The following ADRA1B variants were observed in gnomAD, a reference collection of about 807,000 sequenced individuals.
The protein encoded by ADRA1B is alpha-1B adrenergic receptor.
In ADRA1B, 17 loss-of-function variants were observed where a neutral mutation model predicts 17.9. The observed-to-expected ratio is 0.95, with a 90% CI of 0.65 to 1.42. The LOEUF (loss-of-function observed/expected upper bound fraction) is 1.42. Ranked by LOEUF, ADRA1B falls within the 40% of genes most tolerant of loss-of-function variation. The probability of loss-of-function intolerance (pLI) is 0.00; values close to 1 mark genes in which losing one functional copy is unlikely to be tolerated. For synonymous variants in ADRA1B, 366 were observed against 327.6 expected (o/e 1.12, Z -1.27); for missense variants, 681 against 722.1 (o/e 0.94, Z 0.65).
intron 1 of ADRA1B, among the ~76,000 whole-genome samples, chr5:159,906,367 T>C (rs1432297059): frequency 6.6e-6 from 1 of 152,236 alleles, no homozygotes; most frequent in Non-Finnish European, 1.5e-5. Flanking sequence ...ACCCTCTATA[T>C]GAAACATTCA....
At chr5:159,969,423 G>C (rs1163416736) in intron 1 of ADRA1B, among the ~76,000 whole-genome samples, 1 of 152,208 alleles carries the variant, frequency 6.6e-6, no homozygotes, top group African/African-American at 2.4e-5. Context: ...AATCAAGAAA[G>C]TGAAATGCTA....
intron 1 of ADRA1B, among the ~76,000 whole-genome samples, chr5:159,885,975 A>G (rs1220243403): frequency 6.6e-6 from 1 of 152,210 alleles, no homozygotes; most frequent in Non-Finnish European, 1.5e-5. Flanking sequence ...TAGATGGTAG[A>G]GACTAGATTC....
At chr5:159,966,878 G>A (rs889557693) in intron 1 of ADRA1B, among the ~76,000 whole-genome samples, 11 of 152,186 alleles carry the variant, frequency 7.2e-5, no homozygotes, top group African/African-American at 2.4e-4. Context: ...TATAGAGAAG[G>A]CATTAAATAA....
chr5:159,985,970 C>T, the ADRA1B span, among the ~76,000 whole-genome samples: 1 of 152,206 alleles, frequency 6.6e-6, no homozygotes, highest in Non-Finnish European at 1.5e-5. Context: ...GCATCAGCAG[C>T]AGTGACTACT....
intron 1 of ADRA1B, among the ~76,000 whole-genome samples, chr5:159,963,443 A>G (rs75007938): frequency 6.6e-6 from 1 of 152,072 alleles, no homozygotes; most frequent in African/African-American, 2.4e-5. Context: ...CAACTTACCT[A>G]TATCAAATTT....
chr5:159,926,755 C>T (rs995393555), intron 1 of ADRA1B, among the ~76,000 whole-genome samples: 7 of 152,012 alleles, frequency 4.6e-5, no homozygotes, highest in Admixed American at 2.0e-4. Context: ...GGCGTGGTAG[C>T]GGGCACCTGT....
intron 1 of ADRA1B, among the ~76,000 whole-genome samples, chr5:159,960,621 C>T (rs1224301874): frequency 6.6e-6 from 1 of 151,606 alleles, no homozygotes; most frequent in Admixed American, 6.6e-5. Context: ...AGGAGGATCA[C>T]TTGAACCCAG....
chr5:159,905,755 G>A (rs1240008909), intron 1 of ADRA1B, among the ~76,000 whole-genome samples: 2 of 152,222 alleles, frequency 1.3e-5, no homozygotes, highest in Non-Finnish European at 2.9e-5. Context: ...CCTAGACTGA[G>A]TGGGGAGGGG....
chr5:159,907,031 T>G (rs1754169155), intron 1 of ADRA1B, among the ~76,000 whole-genome samples: 2 of 152,020 alleles, frequency 1.3e-5, no homozygotes, highest in Non-Finnish European at 1.5e-5. Context: ...CAGCCTCCAG[T>G]GAGATGATTT....
intron 1 of ADRA1B, 22 bp from the exon 2 acceptor site, chr5:159,971,857 C>CGGGGGG: frequency 1.3e-5 from 4 of 317,774 alleles, no homozygotes; most frequent in Non-Finnish European, 2.3e-5. Flanking sequence ...TCTGCCCGTG[C>CGGGGGG]CCACCCCCCT....
intron 1 of ADRA1B, among the ~76,000 whole-genome samples, chr5:159,874,211 G>A (rs1753779258): frequency 6.6e-6 from 1 of 152,132 alleles, no homozygotes; most frequent in Non-Finnish European, 1.5e-5. Flanking sequence ...CACAATAAAG[G>A]CCTGAAGCTT....
intron 1 of ADRA1B, among the ~76,000 whole-genome samples, chr5:159,893,689 C>T (rs574168679): frequency 6.6e-6 from 1 of 152,252 alleles, no homozygotes; most frequent in South Asian, 2.1e-4. Context: ...CTCTGTTATG[C>T]CAAAAGGAGC....
intron 1 of ADRA1B, among the ~76,000 whole-genome samples, chr5:159,957,163 T>C (rs1043548683): frequency 2.0e-5 from 3 of 152,154 alleles, no homozygotes; most frequent in African/African-American, 7.2e-5. Flanking sequence ...TGAGCCACTG[T>C]CCCCAGCCTT....
intron 1 of ADRA1B, among the ~76,000 whole-genome samples, chr5:159,896,498 T>A (rs962123649): frequency 6.6e-6 from 1 of 152,228 alleles, no homozygotes; most frequent in African/African-American, 2.4e-5. Context: ...GGAATTCTCA[T>A]GTTCCTTCTG....
chr5:159,923,276 G>A (rs1003774454), intron 1 of ADRA1B, among the ~76,000 whole-genome samples: 2 of 152,282 alleles, frequency 1.3e-5, no homozygotes. Context: ...CGAAGCAGAT[G>A]AAAGATACTG....
At chr5:159,969,134 G>T (rs183625112) in intron 1 of ADRA1B, among the ~76,000 whole-genome samples, 2 of 152,304 alleles carry the variant, frequency 1.3e-5, no homozygotes, top group African/African-American at 4.8e-5. Flanking sequence ...TCACAAAATA[G>T]TGCCCTCCCT....
intron 1 of ADRA1B, among the ~76,000 whole-genome samples, chr5:159,969,935 TA>T (rs573102913): frequency 0.013 from 2,008 of 149,192 alleles, 31 homozygotes; most frequent in African/African-American, 0.034. Flanking sequence ...TGCATTTTTT[TA>T]AAAAAAAAAC....
At chr5:159,874,636 A>T (rs1416123155) in intron 1 of ADRA1B, among the ~76,000 whole-genome samples, 1 of 152,162 alleles carries the variant, frequency 6.6e-6, no homozygotes, top group Non-Finnish European at 1.5e-5. Context: ...AGCTCTGAAA[A>T]TTTTTAATTT....
At chr5:159,982,595 T>C in the ADRA1B span, among the ~76,000 whole-genome samples, 1 of 152,238 alleles carries the variant, frequency 6.6e-6, no homozygotes, top group Non-Finnish European at 1.5e-5. Flanking sequence ...AGCCAGGATT[T>C]GAGTCATGCA....
Sources: allele counts gnomAD v4.1 joint callset (sites outside exome capture counted in the v4.1 genomes callset), GRCh38; gene constraint gnomAD v4.1.1; transcripts MANE v1.5; gene names NCBI Gene and HGNC (gene_info 2026-07-23, HGNC 2026-07-21).